Variants in CRNKL1 observed in about 807,000 individuals in gnomAD.
CRNKL1 encodes crooked neck-like protein 1.
Under a neutral mutation model 103.7 loss-of-function variants are expected in CRNKL1, and 35 were observed. The observed-to-expected ratio is 0.34, with a 90% confidence interval of 0.26 to 0.45. The LOEUF (loss-of-function observed/expected upper bound fraction) is 0.45, where lower values mean the gene tolerates loss of function less well. Ranked by LOEUF, CRNKL1 falls within the 20% of genes least tolerant of loss-of-function variation. The pLI is 1.00. For synonymous variants in CRNKL1, 267 were observed against 282.6 expected (o/e 0.94, Z 0.55); for missense variants, 645 against 836.0 (o/e 0.77, Z 2.82).
upstream of CRNKL1, chr20:20,052,858 C>G (rs2043858154): frequency 2.5e-6 from 2 of 806,172 alleles, no homozygotes; most frequent in Admixed American, 5.8e-5. Flanking sequence ...TCGAGCATTG[C>G]ATTCTAGTAG....
chr20:20,045,731 T>C lies in CRNKL1; in HGVS notation c.623-245A>G, dbSNP rs116942760. Among the ~76,000 whole-genome samples the C allele has an allele frequency of 0.03, 4,573 of 152,164 alleles. 86 individuals are homozygous for C. The highest frequency in any genetic ancestry group is 0.051 in the Non-Finnish European group (3,458 of 67,978). Reference sequence around the variant, plus strand: ...TTTTAGTGGTGGGTATAAACTCGAGTTGGAAGCAAAGAAAAATCTCAACCC... The same window carrying C: ...TTTTAGTGGTGGGTATAAACTCGAGCTGGAAGCAAAGAAAAATCTCAACCC... On this transcript the variant is annotated intron_variant, in intron 5 of 13. Transcript: ENST00000536226.
At chr20:20,041,390 C>CTAG (rs1388177011) in intron 9 of CRNKL1, among the ~76,000 whole-genome samples, 176 bp downstream of exon 9, 6 of 152,230 alleles carry the variant, frequency 3.9e-5, no homozygotes, top group Non-Finnish European at 8.8e-5. Flanking sequence ...GGTTGTCCTC[C>CTAG]AACCTAGTCT....
intron 9 of CRNKL1, among the ~76,000 whole-genome samples, chr20:20,041,038 T>C (rs540939352): frequency 1.2e-4 from 18 of 152,362 alleles, no homozygotes; most frequent in African/African-American, 4.1e-4. Flanking sequence ...CTGTACTGTA[T>C]GGCACGGTAG....
upstream of CRNKL1, among the ~76,000 whole-genome samples, chr20:20,055,655 A>G (rs2146528326): frequency 6.6e-6 from 1 of 152,304 alleles, no homozygotes; most frequent in East Asian, 1.9e-4. Context: ...TTTATTCAGA[A>G]TTTTTATATA....
At position 20,035,692 on chromosome 20, in the gene CRNKL1, AT is replaced by A. The variant is rs2043408646; in HGVS notation, c.*502del. On this transcript the variant is annotated 3_prime_UTR_variant, in exon 14 of 14. Transcript: ENST00000536226. ...ACAAACAATTTACTGAGCACTTACT[AT>A]GCACCCACCAGGTATATTCCTTTTA... is the stretch of plus-strand genomic sequence containing the variant. The A allele has an allele frequency of 6.5e-6, 1 of 153,384 alleles. No homozygotes were observed. The highest frequency in any genetic ancestry group is 6.5e-5 in the Admixed American group (1 of 15,472). The allele number at this position is 153,384 out of a possible 1,614,324, so 9.5% of individuals were successfully genotyped here. A position where few individuals can be genotyped will look rare whatever the true frequency, so the allele number is the denominator to read the frequency against.
chr20:20,052,705 C>A, upstream of CRNKL1: 1 of 1,610,876 alleles, frequency 6.2e-7, no homozygotes, highest in Admixed American at 1.7e-5. Context: ...ACGAGTGGCT[C>A]TGTCGAGCCG....
upstream of CRNKL1, chr20:20,052,641 G>A: frequency 6.2e-7 from 1 of 1,613,404 alleles, no homozygotes; most frequent in African/African-American, 1.3e-5. Flanking sequence ...GCGGTGCAGG[G>A]CGTCCAGGGC....
chr20:20,042,589 A>T lies in CRNKL1; in HGVS notation c.973-73T>A, dbSNP rs2043533294. The T allele has an allele frequency of 2.9e-6, 4 of 1,393,234 alleles. No individual in the cohort carries two copies. The East Asian group carries it at 9.4e-5, about 33-fold the overall frequency. 86.3% of individuals were successfully genotyped at this position (1,393,234 alleles called of 1,614,324 possible). A position where few individuals can be genotyped will look rare whatever the true frequency, so the allele number is the denominator to read the frequency against. ...CACTTGCCAGGTTAAGCAAGCTGAA[A>T]AAAGGCATCAGGCTGACTTTCTATA... On this transcript the variant is annotated intron_variant, in intron 7 of 13. Transcript: ENST00000536226.
chr20:20,036,120 G>A lies in CRNKL1; in HGVS notation c.*75C>T, dbSNP rs763809368. 9.2e-6 allele frequency: 13 copies of A among 1,418,486 alleles called. No individual in the cohort carries two copies. The African/African-American group carries it at 1.7e-4, about 19-fold the overall frequency. The allele number at this position is 1,418,486 out of a possible 1,614,324, so 87.9% of individuals were successfully genotyped here. A position where few individuals can be genotyped will look rare whatever the true frequency, so the allele number is the denominator to read the frequency against. On this transcript the variant is annotated 3_prime_UTR_variant, in exon 14 of 14. Coordinates refer to ENST00000536226, the MANE Select transcript of CRNKL1 (RefSeq NM_001278628.2). ...AATTTCTTACTGGTGAAATATATAA[G>A]AACTTCCAGGAGTCACAAGAGTTCC...
rs766838330 is a variant in CRNKL1, at chr20:20,034,738, T to C, written c.*1457A>G. 11 of 152,198 alleles carry C rather than the reference T, an allele frequency of 7.2e-5. No homozygotes were observed. Among genetic ancestry groups the C allele is most frequent in the Non-Finnish European group, 1.5e-4 (10 of 68,036 alleles). 9.4% of individuals were successfully genotyped at this position (152,198 alleles called of 1,614,324 possible). On this transcript the variant is annotated 3_prime_UTR_variant, in exon 14 of 14. Coordinates refer to ENST00000536226, the MANE Select transcript of CRNKL1 (RefSeq NM_001278628.2). ...GATGCTCGTCCAGTGACTAAAGCAG[T>C]CAGGCTGAAAACAGATTTTATCTCA... is the stretch of plus-strand genomic sequence containing the variant.
At chr20:20,038,236 A>G in intron 12 of CRNKL1, 113 bp downstream of exon 12, 1 of 629,970 alleles carries the variant, frequency 1.6e-6, no homozygotes, top group Non-Finnish European at 2.6e-6. Context: ...CAAGGAAGTC[A>G]TTAAAAAAAA....
At chr20:20,050,683 C>A in intron 1 of CRNKL1, 61 bp from the exon 2 acceptor site, 1 of 1,458,612 alleles carries the variant, frequency 6.9e-7, no homozygotes, top group Non-Finnish European at 9.3e-7. Context: ...GCTTAAGAAA[C>A]AAACATACAT....
chr20:20,044,689 A>G (rs1346683493), intron 6 of CRNKL1, among the ~76,000 whole-genome samples: 1 of 152,060 alleles, frequency 6.6e-6, no homozygotes, highest in African/African-American at 2.4e-5. Flanking sequence ...GCACGAACAT[A>G]GCTCATTGTA....
upstream of CRNKL1, chr20:20,052,877 T>A: frequency 1.4e-6 from 1 of 691,726 alleles, no homozygotes; most frequent in Non-Finnish European, 2.4e-6. Context: ...AGTCTCTGGG[T>A]CCACGCCCCC....
upstream of CRNKL1, among the ~76,000 whole-genome samples, chr20:20,055,680 TTATGA>T (rs2044263683): frequency 6.6e-6 from 1 of 152,270 alleles, no homozygotes; most frequent in African/African-American, 2.4e-5. Context: ...TAGCATTAGT[TTATGA>T]TATGTTTCAC....
At chr20:20,043,756 T>A in intron 6 of CRNKL1, 94 bp from the exon 7 acceptor site, 1 of 1,265,554 alleles carries the variant, frequency 7.9e-7, no homozygotes, top group Non-Finnish European at 1.1e-6. Context: ...TACTTATAAG[T>A]TAGATTTTGA....
intron 6 of CRNKL1, among the ~76,000 whole-genome samples, chr20:20,044,245 C>T (rs2043559662): frequency 6.6e-6 from 1 of 152,216 alleles, no homozygotes; most frequent in African/African-American, 2.4e-5. Context: ...TAGCCAGAGG[C>T]TCTCCTTAAA....
chr20:20,038,063 G>C (rs1200957582), intron 12 of CRNKL1, among the ~76,000 whole-genome samples: 1 of 150,824 alleles, frequency 6.6e-6, no homozygotes, highest in Non-Finnish European at 1.5e-5. Flanking sequence ...CTCCAGCCTA[G>C]AGACACAGCA....
rs938506015 is a variant in CRNKL1, at chr20:20,052,422, A to G, written c.-80T>C. ...GCTCTGAGAGCTCACCGAAACCACAAAGCTTTCAGAAAACAAACAGGATCT... is the reference window on the plus strand; with the variant it reads ...GCTCTGAGAGCTCACCGAAACCACAGAGCTTTCAGAAAACAAACAGGATCT... On this transcript the variant is annotated 5_prime_UTR_variant, in exon 1 of 14. Transcript: ENST00000536226. The G allele has an allele frequency of 9.9e-6, 16 of 1,614,110 alleles. No individual in the cohort carries two copies. The highest frequency in any genetic ancestry group is 1.4e-5 in the Non-Finnish European group (16 of 1,180,012).
Sources: gnomAD v4.1 joint callset for allele counts (sites outside exome capture counted in the v4.1 genomes callset) on GRCh38, gnomAD v4.1.1 for gene constraint, MANE v1.5 for transcripts, NCBI Gene and HGNC (gene_info 2026-07-23, HGNC 2026-07-21) for gene names.